MACROD2: variants seen among roughly 807,000 people sequenced by gnomAD.
MACROD2 encodes ADP-ribose glycohydrolase MACROD2.
A neutral mutation model predicts 70.4 loss-of-function variants in MACROD2; 36 were observed. The ratio of observed to expected loss-of-function variants is 0.51; its 90% confidence interval spans 0.39 to 0.68. The LOEUF (loss-of-function observed/expected upper bound fraction) is 0.68, where lower values mean the gene tolerates loss of function less well. Ranked by LOEUF, MACROD2 falls within the 30% of genes least tolerant of loss-of-function variation. MACROD2 has a pLI of 0.00. For missense variants in MACROD2, 496 were observed against 538.4 expected (o/e 0.92, Z 0.78); for synonymous variants, 172 against 178.8 (o/e 0.96, Z 0.30).
chr20:14,529,426 C>T (rs1156814790), intron 4 of MACROD2, among the ~76,000 whole-genome samples: 1 of 152,170 alleles, frequency 6.6e-6, no homozygotes, highest in Non-Finnish European at 1.5e-5. Flanking sequence ...TACCACGACT[C>T]CTAGACTACC....
At chr20:14,331,960 CA>C (rs992371763) in intron 3 of MACROD2, among the ~76,000 whole-genome samples, 16 of 152,138 alleles carry the variant, frequency 1.1e-4, no homozygotes, top group Admixed American at 9.8e-4. Context: ...TACTTCTGAA[CA>C]AAATGAATCG....
intron 6 of MACROD2, among the ~76,000 whole-genome samples, chr20:15,303,590 C>T (rs2077667578): frequency 6.6e-6 from 1 of 152,172 alleles, no homozygotes; most frequent in Non-Finnish European, 1.5e-5. Flanking sequence ...TTTTCCTCTG[C>T]CAGCGTCTCA....
At chr20:15,371,770 T>C (rs753232768) in intron 6 of MACROD2, among the ~76,000 whole-genome samples, 3 of 152,194 alleles carry the variant, frequency 2.0e-5, no homozygotes, top group African/African-American at 7.2e-5. Flanking sequence ...ATTTATTGAA[T>C]AGTTAATAAA....
intron 4 of MACROD2, among the ~76,000 whole-genome samples, chr20:14,675,374 G>T (rs2070847214): frequency 6.6e-6 from 1 of 152,154 alleles, no homozygotes; most frequent in South Asian, 2.1e-4. Flanking sequence ...AACCCTACAA[G>T]CCAGAAGAGA....
chr20:14,119,323 A>G (rs997251306), intron 3 of MACROD2, among the ~76,000 whole-genome samples: 1 of 149,012 alleles, frequency 6.7e-6, no homozygotes, highest in Admixed American at 6.7e-5. Flanking sequence ...GCCTGCCACC[A>G]CACCTGGCTA....
chr20:14,805,325 G>A (rs527571074), intron 5 of MACROD2, among the ~76,000 whole-genome samples: 25 of 152,112 alleles, frequency 1.6e-4, no homozygotes, highest in African/African-American at 6.0e-4. Context: ...TACATTTAGA[G>A]AAATTTTTCC....
intron 2 of MACROD2, among the ~76,000 whole-genome samples, chr20:14,036,983 A>T (rs2053319997): frequency 6.6e-6 from 1 of 152,268 alleles, no homozygotes; most frequent in Non-Finnish European, 1.5e-5. Context: ...TAGTTTAAAA[A>T]TAAAACGTTT....
At chr20:15,130,214 C>T (rs6105363) in intron 5 of MACROD2, among the ~76,000 whole-genome samples, 53,330 of 151,660 alleles carry the variant, frequency 0.35, 10,074 homozygotes, top group East Asian at 0.6. Flanking sequence ...ATGGTATGAA[C>T]AATATAAAAT....
chr20:14,334,558 C>T (rs781774260), intron 3 of MACROD2, among the ~76,000 whole-genome samples: 13 of 151,282 alleles, frequency 8.6e-5, no homozygotes, highest in East Asian at 3.9e-4. Flanking sequence ...TTTCTGAAGC[C>T]GCAAGTCAGA....
chr20:14,349,975 C>T (rs2083106602), intron 3 of MACROD2, among the ~76,000 whole-genome samples: 1 of 151,812 alleles, frequency 6.6e-6, no homozygotes, highest in African/African-American at 2.4e-5. Context: ...TCTCAAACTC[C>T]TGACCTCAGG....
At chr20:15,420,160 C>G (rs1486504519) in intron 6 of MACROD2, among the ~76,000 whole-genome samples, 2 of 152,122 alleles carry the variant, frequency 1.3e-5, no homozygotes, top group African/African-American at 4.8e-5. Context: ...TTTGCTGGTT[C>G]CAACATTTTG....
chr20:15,262,122 G>A (rs2077254598), intron 6 of MACROD2, among the ~76,000 whole-genome samples: 1 of 151,676 alleles, frequency 6.6e-6, no homozygotes, highest in African/African-American at 2.4e-5. Flanking sequence ...ACTCTGTTAT[G>A]CTATCAAATA....
At chr20:14,341,225 G>A (rs185995293) in intron 3 of MACROD2, among the ~76,000 whole-genome samples, 123 of 152,340 alleles carry the variant, frequency 8.1e-4, no homozygotes, top group Middle Eastern at 6.8e-3. Context: ...CTCCAACTAT[G>A]AAGTTCTGAG....
intron 9 of MACROD2, among the ~76,000 whole-genome samples, chr20:15,882,662 C>A (rs1448865728): frequency 6.6e-6 from 1 of 152,018 alleles, no homozygotes; most frequent in Non-Finnish European, 1.5e-5. Flanking sequence ...TTCTGGTATT[C>A]TTCTTACCCA....
intron 3 of MACROD2, among the ~76,000 whole-genome samples, chr20:14,112,088 T>C (rs567050937): frequency 6.6e-6 from 1 of 152,156 alleles, no homozygotes; most frequent in South Asian, 2.1e-4. Flanking sequence ...GAAATCGTTA[T>C]ATTAAATGAA....
In MACROD2 at chr20:14,760,871, C is replaced by T. The variant is rs753073221; in HGVS notation, c.418+75912C>T. On this transcript the variant is annotated intron_variant, in intron 5 of 17. Transcript: ENST00000684519. ...AGCTGTTCAAAATCGAGCCCTGATT[C>T]GTCAACGTTACTGAAACTGCTATTA... is the stretch of plus-strand genomic sequence containing the variant. Among the ~76,000 whole-genome samples, 17 of 152,238 alleles carry T rather than the reference C, an allele frequency of 1.1e-4. No homozygotes were observed. The South Asian group carries it at 2.1e-3, about 19-fold the overall frequency.
chr20:15,673,394 CT>C (rs775883697), intron 8 of MACROD2, among the ~76,000 whole-genome samples: 6 of 152,268 alleles, frequency 3.9e-5, no homozygotes, highest in Non-Finnish European at 5.9e-5. Context: ...AAACCAGCTC[CT>C]GTAAAAAGAA....
chr20:15,095,490 TTTTTGTTTTGTTTTGTGTTTTTTG>T (rs1568570628), intron 5 of MACROD2, among the ~76,000 whole-genome samples: 5 of 151,968 alleles, frequency 3.3e-5, no homozygotes. Context: ...GATTTATAGT[TTTTTGTTTTGTTTTGTGTTTTTTG>T]TTTTGTTTTG....
At chr20:14,110,445 T>A (rs2054434141) in intron 3 of MACROD2, among the ~76,000 whole-genome samples, 1 of 151,970 alleles carries the variant, frequency 6.6e-6, no homozygotes, top group Non-Finnish European at 1.5e-5. Context: ...TAAATTATCT[T>A]TCTTTTCAGA....
Sources: allele counts gnomAD v4.1 joint callset (sites outside exome capture counted in the v4.1 genomes callset), GRCh38; gene constraint gnomAD v4.1.1; transcripts MANE v1.5; gene names NCBI Gene and HGNC (gene_info 2026-07-23, HGNC 2026-07-21).